Variants in FBXO33 observed in about 807,000 individuals in gnomAD.
FBXO33 encodes the protein F-box protein 33, also known as F-box only protein 33.
In FBXO33, 22 loss-of-function variants were observed where a neutral mutation model predicts 46.3. The ratio of observed to expected loss-of-function variants is 0.48; its 90% confidence interval spans 0.34 to 0.68. The LOEUF (loss-of-function observed/expected upper bound fraction) is 0.68, where lower values mean the gene tolerates loss of function less well. Ranked by LOEUF, FBXO33 falls within the 30% of genes least tolerant of loss-of-function variation. FBXO33 has a pLI of 0.01. For synonymous variants in FBXO33, 337 were observed against 291.3 expected, an observed-to-expected ratio of 1.16 and a Z score of -1.60; for missense variants, 692 against 708.8, an observed-to-expected ratio of 0.98 and a Z score of 0.27.
intron 1 of FBXO33, among the ~76,000 whole-genome samples, chr14:39,425,148 T>C (rs989610506): frequency 3.9e-5 from 6 of 152,242 alleles, no homozygotes; most frequent in African/African-American, 1.4e-4. Flanking sequence ...ATCACAATTT[T>C]TTATTGTCTT....
chr14:39,416,947 G>C (rs1218807236), intron 1 of FBXO33, among the ~76,000 whole-genome samples: 2 of 152,134 alleles, frequency 1.3e-5, no homozygotes, highest in African/African-American at 4.8e-5. Flanking sequence ...TGAAGAAACA[G>C]TACTTTTTCC....
intron 1 of FBXO33, among the ~76,000 whole-genome samples, chr14:39,424,507 T>A (rs952818839): frequency 3.3e-5 from 5 of 152,084 alleles, no homozygotes; most frequent in African/African-American, 1.2e-4. Context: ...ATAAAAAAAA[T>A]TAAAGTCTAT....
intron 1 of FBXO33, among the ~76,000 whole-genome samples, chr14:39,406,520 G>C (rs1313715328): frequency 1.3e-5 from 2 of 152,154 alleles, no homozygotes; most frequent in African/African-American, 4.8e-5. Flanking sequence ...GAAAAAATGA[G>C]GTGTGTATTA....
chr14:39,398,337 A>AACAT lies in FBXO33; in HGVS notation c.*1175_*1178dup, dbSNP rs1274345836. 1 of 152,658 alleles carries AACAT rather than the reference A, an allele frequency of 6.6e-6. No individual in the cohort carries two copies. Among genetic ancestry groups the AACAT allele is most frequent in the African/African-American group, 2.4e-5 (1 of 41,462 alleles). 9.5% of individuals were successfully genotyped at this position (152,658 alleles called of 1,614,324 possible). On this transcript the variant is annotated 3_prime_UTR_variant, in exon 4 of 4. Transcript: ENST00000298097. Reference sequence around the variant, plus strand: ...CCTCTCAGATATAACAAGGTTTTAAAACATACTTCATGGAATGTTCTTCAT... The same window carrying AACAT: ...CCTCTCAGATATAACAAGGTTTTAAAACATACATACTTCATGGAATGTTCTTCAT...
At chr14:39,404,859 A>G (rs1011871745) in intron 1 of FBXO33, among the ~76,000 whole-genome samples, 7 of 152,028 alleles carry the variant, frequency 4.6e-5, no homozygotes, top group Admixed American at 4.6e-4. Flanking sequence ...CATTTTAAGA[A>G]AAGAATAGGC....
At chr14:39,416,772 A>G (rs1301856001) in intron 1 of FBXO33, among the ~76,000 whole-genome samples, 3 of 152,002 alleles carry the variant, frequency 2.0e-5, no homozygotes, top group East Asian at 3.9e-4. Flanking sequence ...TTTTCATGTA[A>G]CTCAGTGAGC....
chr14:39,399,876 A>C, intron 3 of FBXO33, 89 bp from the exon 4 acceptor site: 1 of 1,344,114 alleles, frequency 7.4e-7, no homozygotes, highest in Non-Finnish European at 9.8e-7. Flanking sequence ...CAAAGCTTCT[A>C]GAGAAGCTTC....
At chr14:39,429,733 G>A (rs2075533752) in intron 1 of FBXO33, among the ~76,000 whole-genome samples, 1 of 152,154 alleles carries the variant, frequency 6.6e-6, no homozygotes, top group Non-Finnish European at 1.5e-5. Context: ...CTTAAAATTA[G>A]GGATGACGGG....
Position 39,423,952 on chromosome 14 carries a change from C to T in FBXO33, c.599+7612G>A, listed in dbSNP as rs925266524. On this transcript the variant is annotated intron_variant, in intron 1 of 3. Transcript: ENST00000298097. Reference sequence around the variant, plus strand: ...ATAGTATCCAACTCTTACCCTGCTGCCTCCCTCTCCAGTCTTGTATTCCCC... The same window carrying T: ...ATAGTATCCAACTCTTACCCTGCTGTCTCCCTCTCCAGTCTTGTATTCCCC... Among the ~76,000 whole-genome samples the T allele has an allele frequency of 3.3e-5, 5 of 152,168 alleles. No homozygotes were observed. In the East Asian group the frequency reaches 5.8e-4, roughly 18 times the overall value.
chr14:39,427,778 A>G (rs1176949445), intron 1 of FBXO33, among the ~76,000 whole-genome samples: 4 of 152,062 alleles, frequency 2.6e-5, no homozygotes, highest in African/African-American at 9.7e-5. Context: ...GTCTTTACAC[A>G]AAATTAAAAA....
intron 1 of FBXO33, among the ~76,000 whole-genome samples, chr14:39,414,893 A>G (rs149368997): frequency 0.014 from 2,205 of 152,216 alleles, 67 homozygotes; most frequent in African/African-American, 0.05. Context: ...TCCTGTGCTC[A>G]AGTGATCTTC....
chr14:39,418,342 C>A (rs1441672354), intron 1 of FBXO33, among the ~76,000 whole-genome samples: 1 of 151,544 alleles, frequency 6.6e-6, no homozygotes, highest in African/African-American at 2.4e-5. Flanking sequence ...GGATTACAGG[C>A]CGGAGCCACT....
chr14:39,404,239 G>T (rs1292217935), intron 1 of FBXO33, among the ~76,000 whole-genome samples: 2 of 152,180 alleles, frequency 1.3e-5, no homozygotes, highest in African/African-American at 2.4e-5. Context: ...ATTCAGTGCT[G>T]TGAAGGACAA....
chr14:39,409,719 T>C (rs1016179340), intron 1 of FBXO33, among the ~76,000 whole-genome samples: 12 of 152,330 alleles, frequency 7.9e-5, no homozygotes, highest in South Asian at 2.1e-4. Flanking sequence ...ATGAGATGTT[T>C]TTCCATTTAT....
chr14:39,407,635 C>CT (rs1454743957), intron 1 of FBXO33, among the ~76,000 whole-genome samples: 1 of 152,082 alleles, frequency 6.6e-6, no homozygotes, highest in Admixed American at 6.6e-5. Flanking sequence ...GGATTTCTCT[C>CT]TTTTTTAAAG....
intron 1 of FBXO33, 124 bp downstream of exon 1, chr14:39,431,440 T>TCC: frequency 1.3e-6 from 2 of 1,510,070 alleles, no homozygotes; most frequent in Non-Finnish European, 8.9e-7. Flanking sequence ...ACCAACACTC[T>TCC]CCGTCACTGA....
rs2075558467 is a variant in FBXO33 at position 39,431,896 on chromosome 14, C to A, written c.267G>T (p.Leu89=). Residue 89 remains leucine, a synonymous_variant, in exon 1 of 4, where the codon CTG becomes CTT. Transcript: ENST00000298097. The part of the protein sequence containing the change: ...IFSFLPAPDR[L]RASASCSHWR... ...AGTGCGAGCAGGAGGCCGAGGCCCG[C>A]AGCCGGTCGGGCGCCGGCAGAAAAG... 1 of 1,555,908 alleles carries A rather than the reference C, an allele frequency of 6.4e-7. No individual in the cohort carries two copies. The highest frequency in any genetic ancestry group is 8.6e-7 in the Non-Finnish European group (1 of 1,157,240).
chr14:39,408,248 AATTT>A (rs2075407707), intron 1 of FBXO33, among the ~76,000 whole-genome samples: 1 of 151,692 alleles, frequency 6.6e-6, no homozygotes, highest in East Asian at 2.0e-4. Context: ...CCTGACCTTA[AATTT>A]ATTTTTGATA....
chr14:39,401,732 C>T lies in FBXO33; in HGVS notation c.840G>A (p.Met280Ile), dbSNP rs1446889448. 1 of 1,614,188 alleles carries T rather than the reference C, an allele frequency of 6.2e-7. No homozygotes were observed. The highest frequency in any genetic ancestry group is 8.5e-7 in the Non-Finnish European group (1 of 1,180,042). Residue 280 changes from methionine (M) to isoleucine (I), a missense_variant, in exon 3 of 4, where the codon ATG becomes ATA. By Grantham distance (10) the Met-to-Ile change is conservative. Around this residue, in one of 3 missense-constraint regions of FBXO33, gnomAD observed 412 missense variants for 370.8 expected, o/e 1.11. Transcript: ENST00000298097. ...SSLSNAVANT[M>I]EHLSLLDNNI... is the part of the protein sequence containing the mutation. Reference sequence around the variant, plus strand: ...TATTGTCCAGTAAACTGAGGTGCTCCATGGTGTTGGCAACAGCATTAGAGA... The same window carrying T: ...TATTGTCCAGTAAACTGAGGTGCTCTATGGTGTTGGCAACAGCATTAGAGA...
Sources: allele counts gnomAD v4.1 joint callset (sites outside exome capture counted in the v4.1 genomes callset), GRCh38; gene constraint gnomAD v4.1.1; regional missense constraint gnomAD v4.1.1; transcripts MANE v1.5; gene names NCBI Gene and HGNC (gene_info 2026-07-23, HGNC 2026-07-21).